Variants in PAFAH1B1 observed in about 807,000 individuals in gnomAD.
PAFAH1B1 encodes platelet-activating factor acetylhydrolase IB subunit beta.
In PAFAH1B1, 2 loss-of-function variants were observed where a neutral mutation model predicts 57.5. That is an observed-to-expected ratio of 0.03 (90% CI 0.01 to 0.11). PAFAH1B1 has a LOEUF of 0.11. PAFAH1B1 is among the 10% of genes least tolerant of loss of function. The probability of loss-of-function intolerance (pLI) is 1.00; values close to 1 mark genes in which losing one functional copy is unlikely to be tolerated. For synonymous variants in PAFAH1B1, 152 were observed against 169.6 expected (o/e 0.90, Z 0.81); for missense variants, 257 against 512.0 (o/e 0.50, Z 4.81).
chr17:2,633,511 G>T (rs910700823), intron 1 of PAFAH1B1, among the ~76,000 whole-genome samples: 5 of 151,454 alleles, frequency 3.3e-5, no homozygotes. Context: ...ATCATACCTA[G>T]ACTATCAGGA....
At chr17:2,681,443 T>A in intron 10 of PAFAH1B1, 1 of 299,806 alleles carries the variant, frequency 3.3e-6, no homozygotes, top group Non-Finnish European at 6.3e-6. Context: ...TTGTGGCTCA[T>A]TAAAAATTGT....
At chr17:2,601,220 C>T (rs559400994) in intron 1 of PAFAH1B1, among the ~76,000 whole-genome samples, 8 of 148,474 alleles carry the variant, frequency 5.4e-5, no homozygotes, top group Admixed American at 1.3e-4. Context: ...CTGCAGCCTC[C>T]GCCTTTTGGG....
intron 1 of PAFAH1B1, among the ~76,000 whole-genome samples, chr17:2,620,400 A>G (rs1343050714): frequency 6.6e-6 from 1 of 152,140 alleles, no homozygotes; most frequent in Non-Finnish European, 1.5e-5. Context: ...ATCTTATAAT[A>G]TTTTGGTTTG....
chr17:2,602,541 A>G (rs988441056), intron 1 of PAFAH1B1, among the ~76,000 whole-genome samples: 1 of 152,090 alleles, frequency 6.6e-6, no homozygotes, highest in Admixed American at 6.6e-5. Context: ...CCTTCTATCC[A>G]TACTTACCAT....
chr17:2,610,202 C>G (rs2068252225), intron 1 of PAFAH1B1, among the ~76,000 whole-genome samples: 1 of 152,176 alleles, frequency 6.6e-6, no homozygotes, highest in South Asian at 2.1e-4. Flanking sequence ...CAGACTTTCA[C>G]CTGGCAAGTT....
intron 2 of PAFAH1B1, among the ~76,000 whole-genome samples, chr17:2,661,103 T>TC (rs1410527371): frequency 6.6e-6 from 1 of 152,160 alleles, no homozygotes. Flanking sequence ...GGTTTTTTTT[T>TC]CCCGTTCTGT....
intron 2 of PAFAH1B1, among the ~76,000 whole-genome samples, chr17:2,660,550 A>G (rs1316481744): frequency 1.3e-5 from 2 of 152,148 alleles, no homozygotes; most frequent in African/African-American, 2.4e-5. Flanking sequence ...GGTGGCTTCT[A>G]GCTTCATCCA....
At chr17:2,629,460 C>A (rs1412810836) in intron 1 of PAFAH1B1, among the ~76,000 whole-genome samples, 2 of 152,082 alleles carry the variant, frequency 1.3e-5, no homozygotes, top group Non-Finnish European at 2.9e-5. Context: ...TGAGAGAGTG[C>A]TTGATATAAT....
At chr17:2,666,957 A>G in intron 4 of PAFAH1B1, 35 bp from the exon 5 acceptor site, 1 of 1,500,932 alleles carries the variant, frequency 6.7e-7, no homozygotes, top group Middle Eastern at 1.7e-4. Flanking sequence ...TTTTATTGAA[A>G]TCTATCTGTA....
At chr17:2,671,596 CTT>C (rs1216997597) in intron 6 of PAFAH1B1, among the ~76,000 whole-genome samples, 314 of 116,016 alleles carry the variant, frequency 2.7e-3, no homozygotes, top group African/African-American at 0.012. Context: ...CCAACACCAC[CTT>C]TTTTTTTTTT....
intron 2 of PAFAH1B1, among the ~76,000 whole-genome samples, chr17:2,646,430 A>G (rs1262116212): frequency 1.1e-5 from 1 of 95,120 alleles, no homozygotes; most frequent in Non-Finnish European, 2.6e-5. Flanking sequence ...GGCGCAGTGG[A>G]TCACTTGAGG....
At chr17:2,670,552 G>C (rs1781676965) in intron 6 of PAFAH1B1, among the ~76,000 whole-genome samples, 1 of 152,132 alleles carries the variant, frequency 6.6e-6, no homozygotes, top group African/African-American at 2.4e-5. Context: ...TAAAATATTT[G>C]TATGAGTATT....
chr17:2,654,155 A>G (rs1179232361), intron 2 of PAFAH1B1, among the ~76,000 whole-genome samples: 1 of 149,978 alleles, frequency 6.7e-6, no homozygotes, highest in African/African-American at 2.5e-5. Context: ...GCTTCTATCC[A>G]GCTTACATGT....
At chr17:2,667,726 T>G (rs188432125) in intron 5 of PAFAH1B1, among the ~76,000 whole-genome samples, 2 of 152,104 alleles carry the variant, frequency 1.3e-5, no homozygotes, top group Admixed American at 6.5e-5. Context: ...TGGGCTTTCC[T>G]TGATGTATTT....
At position 2,666,091 on chromosome 17, in the gene PAFAH1B1, GTAAC is replaced by G. The variant is rs774239964; in HGVS notation, c.192+5_192+8del. On this transcript the variant is annotated splice_donor_variant and splice_donor_5th_base_variant and intron_variant, in intron 4 of 10. Transcript: ENST00000397195. LOFTEE classifies it high-confidence loss of function. ...ATCTGTTATTAGATTACAAAAGAAG[GTAAC>G]TAAGTCTTTTTTCTTTAAAATTAGT... is the stretch of plus-strand genomic sequence containing the variant. 1 of 1,498,746 alleles carries G rather than the reference GTAAC, an allele frequency of 6.7e-7. No homozygotes were observed. Among genetic ancestry groups the G allele is most frequent in the South Asian group, 1.2e-5 (1 of 84,326 alleles). The allele number at this position is 1,498,746 out of a possible 1,614,324, so 92.8% of individuals were successfully genotyped here. A position where few individuals can be genotyped will look rare whatever the true frequency, so the allele number is the denominator to read the frequency against.
intron 8 of PAFAH1B1, 65 bp downstream of exon 8, chr17:2,674,353 C>A: frequency 8.1e-7 from 1 of 1,237,522 alleles, no homozygotes; most frequent in Non-Finnish European, 1.2e-6. Context: ...GATAACTTTG[C>A]TAATTCCCTG....
chr17:2,670,694 C>G (rs2151664433), intron 6 of PAFAH1B1, among the ~76,000 whole-genome samples: 1 of 152,292 alleles, frequency 6.6e-6, no homozygotes, highest in South Asian at 2.1e-4. Flanking sequence ...AGCCCAGATT[C>G]TCTTGCTCAC....
rs1213693519 is a variant in PAFAH1B1, at chr17:2,683,555, T to C, written c.*1753T>C. 6.6e-6 allele frequency: 1 copy of C among 152,268 alleles called. No homozygotes were observed. Among genetic ancestry groups the C allele is most frequent in the Non-Finnish European group, 1.5e-5 (1 of 68,052 alleles). 9.4% of individuals were successfully genotyped at this position (152,268 alleles called of 1,614,324 possible). A position where few individuals can be genotyped will look rare whatever the true frequency, so the allele number is the denominator to read the frequency against. The stretch of plus-strand genomic sequence containing the variant: ...TAGAAGCAGCTTTATGTCTAGCTTG[T>C]GTCTTTTTGTTTGTTTGCTTGTTTG... On this transcript the variant is annotated 3_prime_UTR_variant, in exon 11 of 11. Transcript: ENST00000397195.
intron 1 of PAFAH1B1, among the ~76,000 whole-genome samples, chr17:2,634,974 C>T (rs937084545): frequency 1.2e-4 from 18 of 152,104 alleles, no homozygotes; most frequent in Admixed American, 1.1e-3. Context: ...ACCAGCCTGG[C>T]CAACATGGTG....
Sources: allele counts gnomAD v4.1 joint callset (sites outside exome capture counted in the v4.1 genomes callset), GRCh38; gene constraint gnomAD v4.1.1; transcripts MANE v1.5; gene names NCBI Gene and HGNC (gene_info 2026-07-23, HGNC 2026-07-21).